The following CREB5 variants were observed in gnomAD, a reference collection of about 807,000 sequenced individuals.
The protein encoded by CREB5 is cAMP responsive element binding protein 5.
A neutral mutation model predicts 57.1 loss-of-function variants in CREB5; 19 were observed. The observed-to-expected ratio is 0.33, with a 90% CI of 0.23 to 0.49. The LOEUF (loss-of-function observed/expected upper bound fraction) is 0.49, where lower values mean the gene tolerates loss of function less well. CREB5 is among the 20% of genes least tolerant of loss of function. The probability of loss-of-function intolerance (pLI) is 0.99; values close to 1 mark genes in which losing one functional copy is unlikely to be tolerated. For synonymous variants in CREB5, 238 were observed against 238.3 expected (o/e 1.00, Z 0.01); for missense variants, 579 against 671.6 (o/e 0.86, Z 1.52).
intron 5 of CREB5, among the ~76,000 whole-genome samples, chr7:28,589,034 T>C (rs1796399111): frequency 6.6e-6 from 1 of 152,174 alleles, no homozygotes; most frequent in Admixed American, 6.5e-5. Context: ...CACTCTATGG[T>C]CACTTTTCCT....
intron 1 of CREB5, among the ~76,000 whole-genome samples, chr7:28,392,891 T>G (rs1787250092): frequency 6.6e-6 from 1 of 152,126 alleles, no homozygotes; most frequent in Non-Finnish European, 1.5e-5. Context: ...TTGTCCTTTT[T>G]AATTAAAGCC....
At chr7:28,392,880 A>G (rs1386710354) in intron 1 of CREB5, among the ~76,000 whole-genome samples, 1 of 151,522 alleles carries the variant, frequency 6.6e-6, no homozygotes, top group East Asian at 1.9e-4. Context: ...TGTTTACTCA[A>G]TTGTCCTTTT....
chr7:28,689,838 G>T (rs1008017372), intron 5 of CREB5, among the ~76,000 whole-genome samples: 2 of 151,902 alleles, frequency 1.3e-5, no homozygotes, highest in Admixed American at 6.6e-5. Context: ...ACCATTTCAT[G>T]AATCTGAAGG....
chr7:28,638,929 A>G (rs577536211), intron 5 of CREB5, among the ~76,000 whole-genome samples: 3 of 152,122 alleles, frequency 2.0e-5, no homozygotes, highest in Non-Finnish European at 4.4e-5. Flanking sequence ...GTCTATATTC[A>G]TTTCTTACCC....
chr7:28,634,687 T>G (rs993251963), intron 5 of CREB5, among the ~76,000 whole-genome samples: 1 of 152,176 alleles, frequency 6.6e-6, no homozygotes, highest in Admixed American at 6.5e-5. Flanking sequence ...TTTCTCTTTT[T>G]TCCATGGGCT....
chr7:28,718,584 TTG>T (rs1802837752), intron 5 of CREB5, among the ~76,000 whole-genome samples, 167 bp from the exon 6 acceptor site: 1 of 152,192 alleles, frequency 6.6e-6, no homozygotes, highest in African/African-American at 2.4e-5. Flanking sequence ...GAAACCAGGC[TTG>T]TGTTTTATTT....
chr7:28,704,112 CAG>C (rs1801992697), intron 5 of CREB5, among the ~76,000 whole-genome samples: 2 of 152,208 alleles, frequency 1.3e-5, no homozygotes, highest in Admixed American at 1.3e-4. Flanking sequence ...ACTGAAAAGA[CAG>C]AACTGCTTAT....
At chr7:28,747,134 A>G (rs1007697998) in intron 7 of CREB5, among the ~76,000 whole-genome samples, 8 of 151,842 alleles carry the variant, frequency 5.3e-5, no homozygotes, top group Admixed American at 2.0e-4. Flanking sequence ...CCTCTGCAGT[A>G]AATAAATAAT....
chr7:28,362,711 C>G (rs775849345), intron 1 of CREB5, among the ~76,000 whole-genome samples: 8 of 152,122 alleles, frequency 5.3e-5, no homozygotes, highest in Non-Finnish European at 8.8e-5. Context: ...TTTATACATG[C>G]CTGTAGCAGT....
intron 1 of CREB5, among the ~76,000 whole-genome samples, chr7:28,312,695 C>G (rs2127981964): frequency 6.6e-6 from 1 of 152,264 alleles, no homozygotes; most frequent in Non-Finnish European, 1.5e-5. Flanking sequence ...GTGAAAGTGC[C>G]TGGTAAAGGT....
At chr7:28,805,211 G>C (rs1174593830) in intron 8 of CREB5, among the ~76,000 whole-genome samples, 8 of 152,170 alleles carry the variant, frequency 5.3e-5, no homozygotes, top group Non-Finnish European at 1.0e-4. Context: ...GAGTCACCAG[G>C]AGTGGCTGCA....
intron 1 of CREB5, among the ~76,000 whole-genome samples, chr7:28,381,966 T>C (rs2127996051): frequency 6.6e-6 from 1 of 152,290 alleles, no homozygotes; most frequent in East Asian, 1.9e-4. Flanking sequence ...ACAGACTGAA[T>C]GTGTGATGGA....
rs1299212365 is a variant in CREB5, at chr7:28,560,805, T to TGCGTGTGTGTGCGTGCGC, written c.292-9557_292-9556insTGTGTGTGCGTGCGCGCG. Among the ~76,000 whole-genome samples the TGCGTGTGTGTGCGTGCGC allele has an allele frequency of 5.0e-3, 275 of 54,798 alleles. 15 individuals are homozygous for TGCGTGTGTGTGCGTGCGC. The highest frequency in any genetic ancestry group is 0.011 in the East Asian group (15 of 1,358). 35.9% of individuals were successfully genotyped at this position (54,798 alleles called of 152,430 possible). A position where few individuals can be genotyped will look rare whatever the true frequency, so the allele number is the denominator to read the frequency against. The stretch of plus-strand genomic sequence containing the variant: ...TCTTTCTCTGCTTCCACAGTGTGTG[T>TGCGTGTGTGTGCGTGCGC]GCGCGTGTGTGTGTGTGCGCGCGCG... On this transcript the variant is annotated intron_variant, in intron 4 of 10. Coordinates refer to ENST00000357727, the MANE Select transcript of CREB5 (RefSeq NM_182898.4).
chr7:28,345,998 A>C (rs936515962), intron 1 of CREB5, among the ~76,000 whole-genome samples: 1 of 152,120 alleles, frequency 6.6e-6, no homozygotes, highest in Non-Finnish European at 1.5e-5. Context: ...AGATTCAGAC[A>C]CAGATACCAC....
At chr7:28,730,524 T>G (rs957939639) in intron 7 of CREB5, among the ~76,000 whole-genome samples, 1 of 152,212 alleles carries the variant, frequency 6.6e-6, no homozygotes, top group Admixed American at 6.5e-5. Context: ...GTGAATAAAC[T>G]GAAAGGTTGG....
chr7:28,405,145 T>C (rs1562694164), intron 1 of CREB5, among the ~76,000 whole-genome samples: 1 of 152,330 alleles, frequency 6.6e-6, no homozygotes, highest in East Asian at 1.9e-4. Context: ...GAAATCTTTA[T>C]CCCTTCAAAT....
At chr7:28,525,515 C>T (rs1357195807) in intron 4 of CREB5, among the ~76,000 whole-genome samples, 5 of 151,962 alleles carry the variant, frequency 3.3e-5, no homozygotes, top group South Asian at 4.2e-4. Flanking sequence ...TTTATAATAG[C>T]CATCCTAACT....
chr7:28,505,726 G>A (rs1346536092), intron 3 of CREB5, among the ~76,000 whole-genome samples: 2 of 152,104 alleles, frequency 1.3e-5, no homozygotes, highest in Non-Finnish European at 2.9e-5. Context: ...AAGGAAGCTC[G>A]TTTCTTCATT....
chr7:28,496,679 C>T (rs1427757782), intron 3 of CREB5, among the ~76,000 whole-genome samples: 1 of 152,198 alleles, frequency 6.6e-6, no homozygotes, highest in Non-Finnish European at 1.5e-5. Context: ...GCCACCCACA[C>T]ATCCAGTGAC....
Sources: gnomAD v4.1 joint callset for allele counts (sites outside exome capture counted in the v4.1 genomes callset) on GRCh38, gnomAD v4.1.1 for gene constraint, MANE v1.5 for transcripts, NCBI Gene and HGNC (gene_info 2026-07-23, HGNC 2026-07-21) for gene names.